Variants in RGS5 observed in about 807,000 individuals in gnomAD.
The protein encoded by RGS5 is regulator of G-protein signalling 5.
RGS5 carries 20 observed loss-of-function variants against 18.9 expected under a neutral mutation model. The observed-to-expected ratio is 1.06, with a 90% CI of 0.74 to 1.54. RGS5 has a LOEUF of 1.54. RGS5 is among the 40% of genes most tolerant of loss of function. The probability of loss-of-function intolerance (pLI) is 0.00; values close to 1 mark genes in which losing one functional copy is unlikely to be tolerated. For missense variants in RGS5, 201 were observed against 211.8 expected, an observed-to-expected ratio of 0.95 and a Z score of 0.32; for synonymous variants, 57 against 76.2, an observed-to-expected ratio of 0.75 and a Z score of 1.31.
chr1:163,209,785 C>G (rs1281441247), intron 1 of RGS5, among the ~76,000 whole-genome samples: 2 of 152,066 alleles, frequency 1.3e-5, no homozygotes, highest in Admixed American at 1.3e-4. Context: ...ATAGCTTCTG[C>G]AAGAAAGAGA....
chr1:163,285,221 A>G (rs1649112410), intron 2 of RGS5, among the ~76,000 whole-genome samples: 1 of 152,106 alleles, frequency 6.6e-6, no homozygotes, highest in Non-Finnish European at 1.5e-5. Context: ...TTCTGTATTA[A>G]CTTTTCCTTT....
chr1:163,166,135 G>T (rs1444920270), intron 2 of RGS5, among the ~76,000 whole-genome samples: 6 of 152,126 alleles, frequency 3.9e-5, no homozygotes, highest in Non-Finnish European at 1.5e-5. Flanking sequence ...GGCGGGAAGA[G>T]AATTTTTCAG....
chr1:163,291,762 G>C (rs79136554), intron 2 of RGS5, among the ~76,000 whole-genome samples: 10,204 of 152,020 alleles, frequency 0.067, 359 homozygotes, highest in South Asian at 0.095. Context: ...CCATAGCCTA[G>C]CCACTTGCTC....
intron 1 of RGS5, among the ~76,000 whole-genome samples, chr1:163,195,424 G>A (rs1202613851): frequency 1.3e-5 from 2 of 151,404 alleles, no homozygotes; most frequent in Admixed American, 6.6e-5. Context: ...GGAATCAGGG[G>A]GCAAGGGTGA....
chr1:163,267,606 AT>A (rs1003193491), intron 2 of RGS5, among the ~76,000 whole-genome samples: 1 of 152,136 alleles, frequency 6.6e-6, no homozygotes, highest in African/African-American at 2.4e-5. Flanking sequence ...GCAGCTCACA[AT>A]CTATATACCA....
chr1:163,219,063 T>C (rs368259762), upstream of RGS5, among the ~76,000 whole-genome samples: 19 of 152,180 alleles, frequency 1.2e-4, no homozygotes, highest in East Asian at 9.7e-4. Flanking sequence ...GTAAAGAAAA[T>C]AGATCAGCAT....
intron 1 of RGS5, among the ~76,000 whole-genome samples, chr1:163,316,651 G>T (rs1357471364): frequency 6.6e-6 from 1 of 151,440 alleles, no homozygotes; most frequent in Non-Finnish European, 1.5e-5. Flanking sequence ...ATAGTGACTA[G>T]AACATAGTTG....
intron 4 of RGS5, among the ~76,000 whole-genome samples, chr1:163,148,297 A>G (rs1025205670): frequency 2.6e-5 from 4 of 152,172 alleles, no homozygotes; most frequent in African/African-American, 9.7e-5. Flanking sequence ...AACAGAGAGA[A>G]GTAAATTCTG....
intron 1 of RGS5, among the ~76,000 whole-genome samples, chr1:163,214,214 A>G (rs1212233848): frequency 6.6e-6 from 1 of 152,154 alleles, no homozygotes; most frequent in Non-Finnish European, 1.5e-5. Flanking sequence ...TTCTTGAAGA[A>G]AATCACATAG....
chr1:163,262,689 G>A (rs1648477103), intron 2 of RGS5, among the ~76,000 whole-genome samples: 1 of 136,852 alleles, frequency 7.3e-6, no homozygotes, highest in African/African-American at 2.8e-5. Context: ...GGGATGGCTG[G>A]GTCAAATGGT....
At chr1:163,269,726 G>A (rs1005146823) in intron 2 of RGS5, among the ~76,000 whole-genome samples, 4 of 152,120 alleles carry the variant, frequency 2.6e-5, no homozygotes, top group Admixed American at 2.0e-4. Flanking sequence ...TCAGTTTTCC[G>A]ACTTCTGATC....
intron 2 of RGS5, among the ~76,000 whole-genome samples, chr1:163,262,559 G>T (rs1648473686): frequency 1.1e-5 from 1 of 90,564 alleles, no homozygotes; most frequent in African/African-American, 4.5e-5. Context: ...GTCTATCATT[G>T]TTGGACATTT....
At chr1:163,270,355 A>G (rs1385414809) in intron 2 of RGS5, among the ~76,000 whole-genome samples, 1 of 102,484 alleles carries the variant, frequency 9.8e-6, no homozygotes. Context: ...CTATTGAGAA[A>G]AAAAAAAAAA....
chr1:163,243,770 TAA>T (rs1173635052), intron 2 of RGS5, among the ~76,000 whole-genome samples: 3 of 134,832 alleles, frequency 2.2e-5, no homozygotes, highest in African/African-American at 2.7e-5. Flanking sequence ...AAAGTAACAT[TAA>T]AAAAAAAAAA....
chr1:163,178,574 A>G (rs1658667942), intron 1 of RGS5, among the ~76,000 whole-genome samples: 1 of 152,152 alleles, frequency 6.6e-6, no homozygotes, highest in Non-Finnish European at 1.5e-5. Flanking sequence ...AACCAAGACG[A>G]TACCTAAACC....
At chr1:163,163,823 C>T (rs1571224465) in intron 2 of RGS5, among the ~76,000 whole-genome samples, 1 of 152,320 alleles carries the variant, frequency 6.6e-6, no homozygotes, top group Admixed American at 6.5e-5. Context: ...GGCTGATTTA[C>T]TCACAGGATC....
chr1:163,308,846 T>C (rs1404650229), intron 1 of RGS5, among the ~76,000 whole-genome samples: 9 of 152,272 alleles, frequency 5.9e-5, no homozygotes, highest in Middle Eastern at 3.4e-3. Context: ...TGACACAAAT[T>C]TTTTGGTTTC....
At chr1:163,258,183 G>A (rs1307104583) in intron 2 of RGS5, among the ~76,000 whole-genome samples, 1 of 152,190 alleles carries the variant, frequency 6.6e-6, no homozygotes, top group African/African-American at 2.4e-5. Flanking sequence ...ATTAGTTGAT[G>A]GTTTTGAATG....
At chr1:163,290,861 G>T (rs1649265405) in intron 2 of RGS5, among the ~76,000 whole-genome samples, 1 of 152,026 alleles carries the variant, frequency 6.6e-6, no homozygotes, top group South Asian at 2.1e-4. Flanking sequence ...AAACTTGGTG[G>T]TTATAATAAG....
Sources: allele counts gnomAD v4.1 joint callset (sites outside exome capture counted in the v4.1 genomes callset), GRCh38; gene constraint gnomAD v4.1.1; transcripts MANE v1.5; gene names NCBI Gene and HGNC (gene_info 2026-07-23, HGNC 2026-07-21).